The following LTBP1 variants were observed in gnomAD, a reference collection of about 807,000 sequenced individuals.
LTBP1 encodes the protein latent transforming growth factor beta binding protein 1, also known as latent-transforming growth factor beta-binding protein 1.
Under a neutral mutation model 207.6 loss-of-function variants are expected in LTBP1, and 129 were observed. That is an observed-to-expected ratio of 0.62 (90% CI 0.54 to 0.72). LTBP1 has a LOEUF of 0.72. Among genes scored for constraint, LTBP1 ranks in the 30% least tolerant of loss-of-function variants. The pLI is 0.00. For missense variants in LTBP1, 2,281 were observed against 2,217.2 expected, an observed-to-expected ratio of 1.03 and a Z score of -0.58; for synonymous variants, 963 against 833.7, an observed-to-expected ratio of 1.16 and a Z score of -2.67.
chr2:33,320,310 A>G (rs2094335628), intron 24 of LTBP1, among the ~76,000 whole-genome samples: 1 of 151,806 alleles, frequency 6.6e-6, no homozygotes, highest in Non-Finnish European at 1.5e-5. Flanking sequence ...TGGAAGTTGC[A>G]GTGAGCCAAG....
At chr2:33,360,920 A>C in intron 27 of LTBP1, 141 bp downstream of exon 27, 1 of 623,210 alleles carries the variant, frequency 1.6e-6, no homozygotes, top group Non-Finnish European at 2.8e-6. Context: ...TAGAGCCAGC[A>C]CCTGCATCCC....
rs1325570827 is a variant in LTBP1, at chr2:33,028,237, G to T, written c.863+7031G>T. On this transcript the variant is annotated intron_variant, in intron 3 of 33. Transcript: ENST00000404816. ...TAAAAATGGGAGGTGTTGGGATAGA[G>T]TTTGCTTCCTAATACAATTGAAATA... Among the ~76,000 whole-genome samples, 7 of 152,312 alleles carry T rather than the reference G, an allele frequency of 4.6e-5. No individual in the cohort carries two copies. The South Asian group carries it at 1.5e-3, about 32-fold the overall frequency.
intron 33 of LTBP1, among the ~76,000 whole-genome samples, chr2:33,397,606 C>G (rs955242429): frequency 7.0e-6 from 1 of 143,842 alleles, no homozygotes; most frequent in Non-Finnish European, 1.5e-5. Flanking sequence ...CTCCCAGGTT[C>G]AAGCAATGCT....
At chr2:33,331,863 G>C (rs1480568720) in intron 24 of LTBP1, among the ~76,000 whole-genome samples, 1 of 151,938 alleles carries the variant, frequency 6.6e-6, no homozygotes, top group African/African-American at 2.4e-5. Context: ...TTTTTGTTTT[G>C]AGAGTTTTGG....
rs182977319 is a variant in LTBP1 at position 33,013,984 on chromosome 2, C to T, written c.566-6925C>T. Among the ~76,000 whole-genome samples the T allele has an allele frequency of 6.9e-3, 1,048 of 152,034 alleles. 14 individuals carry two copies. The highest frequency in any genetic ancestry group is 0.023 in the African/African-American group (970 of 41,430). ...CTATCTGGTTGGTGAAGTTGTTACT[C>T]GTAAGATTAGAAAGGCAAATAGGGT... On this transcript the variant is annotated intron_variant, in intron 2 of 33. Coordinates refer to ENST00000404816, the MANE Select transcript of LTBP1 (RefSeq NM_206943.4).
chr2:33,381,257 T>C (rs1392560381), intron 31 of LTBP1, among the ~76,000 whole-genome samples: 3 of 152,234 alleles, frequency 2.0e-5, no homozygotes, highest in Non-Finnish European at 4.4e-5. Flanking sequence ...TACAGTAGTA[T>C]AAATGTTTGG....
At chr2:33,211,421 CAG>C (rs1306751703) in intron 7 of LTBP1, among the ~76,000 whole-genome samples, 5 of 152,350 alleles carry the variant, frequency 3.3e-5, no homozygotes. Context: ...AATCCCCACA[CAG>C]GGGTTGATGG....
intron 19 of LTBP1, among the ~76,000 whole-genome samples, chr2:33,290,905 G>A (rs912758632): frequency 3.9e-5 from 6 of 152,188 alleles, no homozygotes; most frequent in African/African-American, 9.7e-5. Context: ...CTGGGCCAAC[G>A]ATATAATGCT....
chr2:33,259,477 TC>T (rs1203765595), intron 12 of LTBP1, 110 bp from the exon 13 acceptor site: 7 of 751,130 alleles, frequency 9.3e-6, no homozygotes, highest in Non-Finnish European at 1.5e-5. Flanking sequence ...TTAGTCTGAT[TC>T]TTAATCCTTT....
At chr2:33,163,081 G>C (rs113612232) in intron 5 of LTBP1, among the ~76,000 whole-genome samples, 2 of 152,126 alleles carry the variant, frequency 1.3e-5, no homozygotes, top group African/African-American at 2.4e-5. Flanking sequence ...CCCTGGGCTC[G>C]AGCAATCCTC....
chr2:33,308,207 G>A (rs964816575), intron 22 of LTBP1, among the ~76,000 whole-genome samples: 1 of 152,192 alleles, frequency 6.6e-6, no homozygotes, highest in Non-Finnish European at 1.5e-5. Flanking sequence ...GGTAAACATG[G>A]TAATCAGCAG....
In LTBP1 at chr2:33,344,340, G is replaced by A. The variant is rs377367606; in HGVS notation, c.3856+1377G>A. On this transcript the variant is annotated intron_variant, in intron 25 of 33. Transcript: ENST00000404816. ...TTCCACCAAAATACAGTTGTTTGAC[G>A]TTTGGATAATATTTTCACCAGTTGG... is the stretch of plus-strand genomic sequence containing the variant. Among the ~76,000 whole-genome samples the A allele has an allele frequency of 4.6e-5, 7 of 152,256 alleles. No individual in the cohort carries two copies. The East Asian group carries it at 7.7e-4, about 17-fold the overall frequency.
chr2:33,296,057 C>T (rs1489027523), intron 20 of LTBP1, among the ~76,000 whole-genome samples: 1 of 152,194 alleles, frequency 6.6e-6, no homozygotes, highest in African/African-American at 2.4e-5. Context: ...CAGGTATCTC[C>T]TCAGACCAAA....
chr2:33,228,682 AACCAGGGTTAT>A (rs1465933309), intron 9 of LTBP1, among the ~76,000 whole-genome samples: 1 of 111,090 alleles, frequency 9.0e-6, no homozygotes, highest in Non-Finnish European at 2.0e-5. Context: ...TAATAAGCCC[AACCAGGGTTAT>A]ACCCTTTTTT....
chr2:33,081,554 C>G (rs2078400868), intron 3 of LTBP1, among the ~76,000 whole-genome samples: 1 of 152,034 alleles, frequency 6.6e-6, no homozygotes, highest in African/African-American at 2.4e-5. Flanking sequence ...ATCTCGGGCT[C>G]TGTAATGTTG....
chr2:33,123,544 G>A (rs1292315107), intron 4 of LTBP1, among the ~76,000 whole-genome samples: 3 of 152,184 alleles, frequency 2.0e-5, no homozygotes, highest in Non-Finnish European at 4.4e-5. Context: ...AATGGAGAAA[G>A]TGATTCATGG....
chr2:33,122,154 A>G lies in LTBP1; in HGVS notation c.1033+11403A>G, dbSNP rs138589545. 2.0e-4 allele frequency among the ~76,000 whole-genome samples: 30 copies of G among 150,750 alleles called. No homozygotes were observed. In the East Asian group the frequency reaches 4.5e-3, roughly 22 times the overall value. On this transcript the variant is annotated intron_variant, in intron 4 of 33. Transcript: ENST00000404816. ...AATCGAGTGTGGGTGGAACGAGTCT[A>G]TGGGTTCGGAGCGGGAGCTTCGTTC...
At chr2:33,264,860 T>C (rs1288627390) in intron 15 of LTBP1, among the ~76,000 whole-genome samples, 2 of 152,140 alleles carry the variant, frequency 1.3e-5, no homozygotes, top group Non-Finnish European at 1.5e-5. Context: ...CTCACACCAT[T>C]CTGAAGGCTG....
In LTBP1 at chr2:33,398,608, T is replaced by C; in HGVS notation, c.*63T>C. 6.8e-7 allele frequency: 1 copy of C among 1,467,616 alleles called. No individual in the cohort carries two copies. The highest frequency in any genetic ancestry group is 9.2e-7 in the Non-Finnish European group (1 of 1,088,502). The allele number at this position is 1,467,616 out of a possible 1,614,324, so 90.9% of individuals were successfully genotyped here. A position where few individuals can be genotyped will look rare whatever the true frequency, so the allele number is the denominator to read the frequency against. On this transcript the variant is annotated 3_prime_UTR_variant, in exon 34 of 34. Coordinates refer to ENST00000404816, the MANE Select transcript of LTBP1 (RefSeq NM_206943.4). ...CTGTGTAAAGGAAAAGGGAGAAATG[T>C]ATTATACTTGAGACATTGCACCTAC...
Sources: gnomAD v4.1 joint callset for allele counts (sites outside exome capture counted in the v4.1 genomes callset) on GRCh38, gnomAD v4.1.1 for gene constraint, MANE v1.5 for transcripts, NCBI Gene and HGNC (gene_info 2026-07-23, HGNC 2026-07-21) for gene names.